Variants in PLEKHG1 observed in about 807,000 individuals in gnomAD.
The protein encoded by PLEKHG1 is pleckstrin homology and RhoGEF domain containing G1, also known as pleckstrin homology domain-containing family G member 1.
In PLEKHG1, 44 loss-of-function variants were observed where a neutral mutation model predicts 100.8. The observed-to-expected ratio is 0.44, with a 90% CI of 0.34 to 0.56. The LOEUF (loss-of-function observed/expected upper bound fraction) is 0.56, where lower values mean the gene tolerates loss of function less well. Among genes scored for constraint, PLEKHG1 ranks in the 20% least tolerant of loss-of-function variants. The pLI is 0.01. For missense variants in PLEKHG1, 1,545 were observed against 1,720.9 expected (o/e 0.90, Z 1.81); for synonymous variants, 640 against 662.5 (o/e 0.97, Z 0.52).
At chr6:150,716,488 C>G (rs1050848733), upstream of PLEKHG1, among the ~76,000 whole-genome samples, 4 of 152,184 alleles carry the variant, frequency 2.6e-5, no homozygotes. Context: ...ATGCCTTTGC[C>G]CATCCGTCTT....
chr6:150,737,114 T>C (rs1453830400), intron 2 of PLEKHG1, among the ~76,000 whole-genome samples: 1 of 152,200 alleles, frequency 6.6e-6, no homozygotes, highest in African/African-American at 2.4e-5. Context: ...GATTAGTTGG[T>C]TGAAGCCTCT....
At chr6:150,631,927 G>A (rs771076546) in intron 1 of PLEKHG1, among the ~76,000 whole-genome samples, 14 of 152,266 alleles carry the variant, frequency 9.2e-5, no homozygotes, top group Non-Finnish European at 1.8e-4. Flanking sequence ...GTCCTGCCCC[G>A]GGGGCTGGCT....
intron 4 of PLEKHG1, among the ~76,000 whole-genome samples, chr6:150,791,708 A>G (rs1038190198): frequency 7.9e-5 from 12 of 151,654 alleles, no homozygotes; most frequent in African/African-American, 2.4e-4. Context: ...TTCTTTGAAT[A>G]TGAATTTCTT....
exon 16 of PLEKHG1, chr6:150,842,092 ATCTAAC>A (rs545101815): frequency 6.5e-4 from 99 of 152,316 alleles, no homozygotes; most frequent in African/African-American, 2.2e-3. Context: ...CTGTATACTG[ATCTAAC>A]TCCTTATGAA....
At chr6:150,714,755 T>G (rs1158694825) in intron 3 of PLEKHG1, among the ~76,000 whole-genome samples, 1 of 152,202 alleles carries the variant, frequency 6.6e-6, no homozygotes, top group Non-Finnish European at 1.5e-5. Flanking sequence ...TTCATTTAAT[T>G]TCTTCTATAC....
intron 1 of PLEKHG1, among the ~76,000 whole-genome samples, chr6:150,606,698 G>C (rs1022613611): frequency 6.6e-6 from 1 of 152,152 alleles, no homozygotes; most frequent in East Asian, 1.9e-4. Flanking sequence ...CTCAGTTTCT[G>C]GATGATTCAG....
At chr6:150,674,922 A>C (rs1779708479) in intron 3 of PLEKHG1, among the ~76,000 whole-genome samples, 1 of 152,100 alleles carries the variant, frequency 6.6e-6, no homozygotes, top group Non-Finnish European at 1.5e-5. Context: ...ACCTCAAGTA[A>C]TCTGCCTGCT....
At chr6:150,787,154 A>G (rs1785673504) in intron 4 of PLEKHG1, among the ~76,000 whole-genome samples, 1 of 152,192 alleles carries the variant, frequency 6.6e-6, no homozygotes, top group South Asian at 2.1e-4. Context: ...TTTTACGTAT[A>G]ATATATGTGG....
At chr6:150,655,511 A>C (rs571802462) in intron 3 of PLEKHG1, among the ~76,000 whole-genome samples, 1 of 152,190 alleles carries the variant, frequency 6.6e-6, no homozygotes, top group South Asian at 2.1e-4. Flanking sequence ...GATCAAGACC[A>C]TCCTGGCTAA....
At chr6:150,623,337 C>T (rs1299057908) in intron 1 of PLEKHG1, among the ~76,000 whole-genome samples, 1 of 152,130 alleles carries the variant, frequency 6.6e-6, no homozygotes, top group Non-Finnish European at 1.5e-5. Flanking sequence ...CTGTTGGGTT[C>T]TTCAGTAGTG....
intron 1 of PLEKHG1, among the ~76,000 whole-genome samples, chr6:150,725,923 T>G (rs1015248475): frequency 6.6e-6 from 1 of 152,130 alleles, no homozygotes; most frequent in African/African-American, 2.4e-5. Context: ...ATGGGAAAAT[T>G]ATGTGACCAT....
intron 1 of PLEKHG1, among the ~76,000 whole-genome samples, chr6:150,722,215 ATACTTT>A (rs1438516040): frequency 1.3e-5 from 2 of 152,088 alleles, no homozygotes; most frequent in African/African-American, 4.8e-5. Context: ...ACCATTTTCT[ATACTTT>A]TAAAGATTTG....
rs1187936128 is a variant in PLEKHG1 at position 150,800,870 on chromosome 6, G to GT, written c.780+2dup. 6.2e-7 allele frequency: 1 copy of GT among 1,613,514 alleles called. No homozygotes were observed. Among genetic ancestry groups the GT allele is most frequent in the African/African-American group, 1.3e-5 (1 of 74,914 alleles). ...TCTCAAGTATCATCTCCTTCTGCAT[G>GT]TAAGTTTCTGCCTGGCATGAGCACT... On this transcript the variant is annotated splice_donor_variant, in intron 6 of 15. Transcript: ENST00000358517. LOFTEE classifies it high-confidence loss of function.
chr6:150,701,319 C>CA (rs1191848222), intron 3 of PLEKHG1, among the ~76,000 whole-genome samples: 1,860 of 104,432 alleles, frequency 0.018, 40 homozygotes, highest in East Asian at 0.1. Context: ...GACTCTATCT[C>CA]AAAAAAAAAA....
intron 3 of PLEKHG1, among the ~76,000 whole-genome samples, chr6:150,705,429 G>A (rs1162480310): frequency 6.6e-6 from 1 of 152,264 alleles, no homozygotes; most frequent in African/African-American, 2.4e-5. Flanking sequence ...GGGGTTTCCA[G>A]AGAGAAACAT....
At position 150,600,624 on chromosome 6, in the gene PLEKHG1, C is replaced by T. The variant is rs571826996; in HGVS notation, c.-204+607C>T. On this transcript the variant is annotated intron_variant, in intron 1 of 3. Coordinates refer to the PLEKHG1 transcript ENST00000367326. The surrounding 1 kb of genome is among the most constrained non-coding windows in gnomAD (Gnocchi z 6.2). ...TTTCAGGGGGTGGGGAGTCAAGAGC[C>T]TGTGGCTCTTCCGTCACGGGGTAAA... is the stretch of plus-strand genomic sequence containing the variant. Among the ~76,000 whole-genome samples the T allele has an allele frequency of 6.6e-6, 1 of 152,344 alleles. No individual in the cohort carries two copies. The highest frequency in any genetic ancestry group is 2.1e-4 in the South Asian group (1 of 4,832).
chr6:150,707,424 C>T (rs1313209551), intron 3 of PLEKHG1, among the ~76,000 whole-genome samples: 2 of 152,116 alleles, frequency 1.3e-5, no homozygotes, highest in Admixed American at 6.5e-5. Flanking sequence ...GATGTGCCCA[C>T]GTGTATAATC....
At chr6:150,657,733 A>T (rs1362600813) in intron 3 of PLEKHG1, among the ~76,000 whole-genome samples, 1 of 152,230 alleles carries the variant, frequency 6.6e-6, no homozygotes, top group Non-Finnish European at 1.5e-5. Flanking sequence ...AGCCCCATGC[A>T]GTACGGAATC....
At chr6:150,736,459 G>A (rs531500833) in intron 2 of PLEKHG1, among the ~76,000 whole-genome samples, 333 of 152,318 alleles carry the variant, frequency 2.2e-3, no homozygotes, top group Non-Finnish European at 3.7e-3. Context: ...TGTTTTACCT[G>A]AAGTCTTTCA....
Sources: allele counts gnomAD v4.1 joint callset (sites outside exome capture counted in the v4.1 genomes callset), GRCh38; gene constraint gnomAD v4.1.1; non-coding constraint Gnocchi (gnomAD v3.1); transcripts MANE v1.5; gene names NCBI Gene and HGNC (gene_info 2026-07-23, HGNC 2026-07-21).